The following KLF12 variants were observed in gnomAD, a reference collection of about 807,000 sequenced individuals.
The protein encoded by KLF12 is KLF transcription factor 12.
Under a neutral mutation model 37.8 loss-of-function variants are expected in KLF12, and 9 were observed. That is an observed-to-expected ratio of 0.24 (90% CI 0.14 to 0.42). The LOEUF is 0.42. Among genes scored for constraint, KLF12 ranks in the 10% least tolerant of loss-of-function variants. The probability of loss-of-function intolerance (pLI) is 1.00; values close to 1 mark genes in which losing one functional copy is unlikely to be tolerated. For missense variants in KLF12, 411 were observed against 516.0 expected (o/e 0.80, Z 1.97); for synonymous variants, 208 against 202.1 (o/e 1.03, Z -0.25).
intron 4 of KLF12, among the ~76,000 whole-genome samples, chr13:73,822,461 G>GGCTC (rs1883582029): frequency 6.6e-6 from 1 of 152,244 alleles, no homozygotes; most frequent in South Asian, 2.1e-4. Context: ...TGGGTGTGGT[G>GGCTC]GCTCATGCCT....
intron 6 of KLF12, among the ~76,000 whole-genome samples, chr13:73,749,105 C>A (rs1281324125): frequency 6.6e-6 from 1 of 152,060 alleles, no homozygotes; most frequent in Non-Finnish European, 1.5e-5. Flanking sequence ...GACCACGGGC[C>A]CTCAGCTTGC....
At chr13:73,880,167 C>T (rs1235581327) in intron 3 of KLF12, among the ~76,000 whole-genome samples, 1 of 152,162 alleles carries the variant, frequency 6.6e-6, no homozygotes, top group Admixed American at 6.5e-5. Context: ...TCCACACCTG[C>T]TCATGAATAC....
At chr13:74,017,987 C>T (rs1892743294) in intron 1 of KLF12, among the ~76,000 whole-genome samples, 2 of 152,070 alleles carry the variant, frequency 1.3e-5, no homozygotes, top group Admixed American at 1.3e-4. Flanking sequence ...GCCAGCTCCA[C>T]TCTACCTTCC....
chr13:73,999,247 G>A (rs1350056118), intron 1 of KLF12, among the ~76,000 whole-genome samples: 1 of 152,124 alleles, frequency 6.6e-6, no homozygotes, highest in Admixed American at 6.6e-5. Flanking sequence ...TTCAATTAGG[G>A]TAGGTGGAGT....
chr13:73,801,257 T>C (rs934946560), intron 5 of KLF12: 3 of 152,076 alleles, frequency 2.0e-5, no homozygotes, highest in African/African-American at 7.2e-5. Context: ...AAGGGAAAAT[T>C]ATGGCACAAT....
rs565524418 is a variant in KLF12 at position 73,920,334 on chromosome 13, A to G, written c.123+23647T>C. 1.2e-3 allele frequency among the ~76,000 whole-genome samples: 185 copies of G among 150,892 alleles called. 2 individuals are homozygous for G. Among genetic ancestry groups the G allele is most frequent in the African/African-American group, 4.3e-3 (179 of 41,176 alleles). On this transcript the variant is annotated intron_variant, in intron 3 of 7. Transcript: ENST00000377669. ...GTGAAGCTTGGTTGTGTCTTCATAC[A>G]TTTTTTTTTAATGTATGTAAGCTAA...
At chr13:74,204,631 A>G in the KLF12 span, among the ~76,000 whole-genome samples, 1 of 152,170 alleles carries the variant, frequency 6.6e-6, no homozygotes, top group Non-Finnish European at 1.5e-5. Context: ...TGAGAGATAC[A>G]TAGAATGGCT....
chr13:74,305,053 A>T, the KLF12 span, among the ~76,000 whole-genome samples: 1 of 151,850 alleles, frequency 6.6e-6, no homozygotes, highest in Non-Finnish European at 1.5e-5. Flanking sequence ...TGCATAATTA[A>T]CCTCCTCCCT....
chr13:73,769,743 A>G, intron 5 of KLF12, among the ~76,000 whole-genome samples: 1 of 152,192 alleles, frequency 6.6e-6, no homozygotes, highest in South Asian at 2.1e-4. Flanking sequence ...TCTCAATTTC[A>G]AAAATGTTGG....
intron 3 of KLF12, among the ~76,000 whole-genome samples, chr13:73,850,235 T>TA (rs1383269011): frequency 6.6e-6 from 1 of 152,230 alleles, no homozygotes; most frequent in African/African-American, 2.4e-5. Context: ...ACCCACTTGA[T>TA]AAAATATTAC....
rs562414107 is a variant in KLF12, at chr13:73,755,714, C to A, written c.869+9224G>T. 1.4e-3 allele frequency among the ~76,000 whole-genome samples: 208 copies of A among 151,624 alleles called. 2 individuals carry two copies. Among genetic ancestry groups the A allele is most frequent in the Admixed American group, 2.3e-3 (35 of 15,214 alleles). On this transcript the variant is annotated intron_variant, in intron 6 of 7. Coordinates refer to ENST00000377669, the MANE Select transcript of KLF12 (RefSeq NM_007249.5). ...GGTGATTTCTGAGATTTTGGTGCAC[C>A]CATCACCTGAGCAGTGTACACTGTA...
the KLF12 span, among the ~76,000 whole-genome samples, chr13:74,164,242 CT>C: frequency 5.1e-4 from 78 of 152,046 alleles, no homozygotes; most frequent in Admixed American, 1.6e-3. Flanking sequence ...ATATTTATGG[CT>C]TTTTTTGCTT....
intron 3 of KLF12, among the ~76,000 whole-genome samples, chr13:73,896,497 T>A (rs924192774): frequency 1.3e-5 from 2 of 152,150 alleles, no homozygotes; most frequent in Non-Finnish European, 2.9e-5. Context: ...GACTGAGACA[T>A]TACAAAAAGC....
At chr13:73,894,907 TAG>T (rs1371777724) in intron 3 of KLF12, among the ~76,000 whole-genome samples, 7 of 152,252 alleles carry the variant, frequency 4.6e-5, no homozygotes, top group Non-Finnish European at 5.9e-5. Context: ...GAGAGGATTA[TAG>T]AGTAATAGTT....
the KLF12 span, among the ~76,000 whole-genome samples, chr13:74,207,074 G>A: frequency 6.6e-6 from 1 of 152,176 alleles, no homozygotes; most frequent in Non-Finnish European, 1.5e-5. Context: ...CTACTGTTAT[G>A]TCATCTCATA....
chr13:74,238,183 A>G, the KLF12 span, among the ~76,000 whole-genome samples: 1 of 131,728 alleles, frequency 7.6e-6, no homozygotes, highest in Admixed American at 7.1e-5. Context: ...CTTTTTCTGC[A>G]TCTATTGAGA....
At chr13:74,228,521 T>C in the KLF12 span, among the ~76,000 whole-genome samples, 1 of 152,120 alleles carries the variant, frequency 6.6e-6, no homozygotes, top group Non-Finnish European at 1.5e-5. Context: ...AAGGAAATAT[T>C]AAGCTTAGAA....
the KLF12 span, among the ~76,000 whole-genome samples, chr13:74,270,791 T>C: frequency 0.057 from 8,603 of 152,042 alleles, 810 homozygotes; most frequent in African/African-American, 0.19. Context: ...GTCAGGGGAG[T>C]GTCATGGACT....
chr13:74,180,661 A>G, the KLF12 span, among the ~76,000 whole-genome samples: 1 of 152,240 alleles, frequency 6.6e-6, no homozygotes, highest in African/African-American at 2.4e-5. Flanking sequence ...AACTCAGCAC[A>G]CTTAGGTTTT....
Sources: gnomAD v4.1 joint callset for allele counts (sites outside exome capture counted in the v4.1 genomes callset) on GRCh38, gnomAD v4.1.1 for gene constraint, MANE v1.5 for transcripts, NCBI Gene and HGNC (gene_info 2026-07-23, HGNC 2026-07-21) for gene names.